Variants in PPM1L observed in about 807,000 individuals in gnomAD.
PPM1L encodes the protein protein phosphatase, Mg2+/Mn2+ dependent 1L.
PPM1L carries 13 observed loss-of-function variants against 31.4 expected under a neutral mutation model. The ratio of observed to expected loss-of-function variants is 0.41; its 90% CI spans 0.27 to 0.66. The LOEUF (loss-of-function observed/expected upper bound fraction) is 0.66, where lower values mean the gene tolerates loss of function less well. Among genes scored for constraint, PPM1L ranks in the 30% least tolerant of loss-of-function variants. The pLI is 0.29. For missense variants in PPM1L, 326 were observed against 453.7 expected (o/e 0.72, Z 2.56); for synonymous variants, 184 against 175.4 (o/e 1.05, Z -0.39).
At chr3:160,803,812 T>C (rs530127455) in intron 1 of PPM1L, among the ~76,000 whole-genome samples, 19 of 152,254 alleles carry the variant, frequency 1.2e-4, no homozygotes, top group Non-Finnish European at 2.4e-4. Context: ...AAAGGTATTT[T>C]TCCTCCTGTG....
chr3:161,073,576 T>A lies in PPM1L; in HGVS notation c.*4419T>A, dbSNP rs1576630213. 1 of 152,182 alleles carries A rather than the reference T, an allele frequency of 6.6e-6. No individual in the cohort carries two copies. Among genetic ancestry groups the A allele is most frequent in the African/African-American group, 2.4e-5 (1 of 41,518 alleles). 9.4% of individuals were successfully genotyped at this position (152,182 alleles called of 1,614,324 possible). A position where few individuals can be genotyped will look rare whatever the true frequency, so the allele number is the denominator to read the frequency against. The stretch of plus-strand genomic sequence containing the variant: ...CTCTAAACATCATCCCCCCCTTTTT[T>A]TTTTTAACGGAATCTCGCTCTGTCA... On this transcript the variant is annotated 3_prime_UTR_variant, in exon 4 of 4. Coordinates refer to ENST00000498165, the MANE Select transcript of PPM1L (RefSeq NM_139245.4).
At chr3:160,964,884 A>G (rs1392208935) in intron 2 of PPM1L, among the ~76,000 whole-genome samples, 1 of 152,078 alleles carries the variant, frequency 6.6e-6, no homozygotes, top group African/African-American at 2.4e-5. Flanking sequence ...CAATCAAAGA[A>G]AGAGGATAAA....
At chr3:160,923,946 T>C (rs1714503425) in intron 1 of PPM1L, among the ~76,000 whole-genome samples, 1 of 152,236 alleles carries the variant, frequency 6.6e-6, no homozygotes, top group Admixed American at 6.5e-5. Flanking sequence ...TTCTGTCTAT[T>C]ATCTGCTATT....
At chr3:161,063,551 TG>T (rs1462561993) in intron 2 of PPM1L, among the ~76,000 whole-genome samples, 3 of 152,150 alleles carry the variant, frequency 2.0e-5, no homozygotes, top group East Asian at 1.9e-4. Flanking sequence ...TCAGTGTTGT[TG>T]TTTTTTTTTC....
chr3:160,817,052 A>G (rs557244753), intron 1 of PPM1L, among the ~76,000 whole-genome samples: 18 of 152,254 alleles, frequency 1.2e-4, no homozygotes, highest in African/African-American at 3.8e-4. Context: ...GTAGAAAAGA[A>G]GAAAAGTTAC....
intron 1 of PPM1L, among the ~76,000 whole-genome samples, chr3:160,946,972 G>T (rs1576734214): frequency 1.3e-5 from 2 of 152,098 alleles, no homozygotes; most frequent in Admixed American, 1.3e-4. Context: ...AATTCTACAT[G>T]CTATAGCAAA....
chr3:160,916,312 C>G (rs1395168274), intron 1 of PPM1L, among the ~76,000 whole-genome samples: 1 of 152,006 alleles, frequency 6.6e-6, no homozygotes, highest in Non-Finnish European at 1.5e-5. Context: ...TGAAAAAATG[C>G]TCATCATCAC....
intron 1 of PPM1L, among the ~76,000 whole-genome samples, chr3:160,851,067 C>T (rs1286224590): frequency 6.6e-6 from 1 of 152,070 alleles, no homozygotes; most frequent in Admixed American, 6.6e-5. Context: ...ATTTTCTTCC[C>T]TCTGTCACAA....
At chr3:160,922,835 A>G (rs1576716331) in intron 1 of PPM1L, among the ~76,000 whole-genome samples, 1 of 152,248 alleles carries the variant, frequency 6.6e-6, no homozygotes, top group Admixed American at 6.5e-5. Context: ...GCAAAAGAAT[A>G]TAATCATAGT....
At chr3:160,762,527 AG>A (rs1203242429) in intron 1 of PPM1L, among the ~76,000 whole-genome samples, 1 of 152,196 alleles carries the variant, frequency 6.6e-6, no homozygotes, top group African/African-American at 2.4e-5. Context: ...CTGTGTCCTC[AG>A]GGAGCATTCT....
intron 2 of PPM1L, among the ~76,000 whole-genome samples, chr3:160,969,445 G>A (rs1322047074): frequency 1.3e-5 from 2 of 152,094 alleles, no homozygotes; most frequent in Non-Finnish European, 2.9e-5. Context: ...CTGTCATGGG[G>A]GAAAAAATTG....
intron 1 of PPM1L, among the ~76,000 whole-genome samples, chr3:160,875,842 A>G (rs1300837404): frequency 6.6e-6 from 1 of 152,184 alleles, no homozygotes; most frequent in Non-Finnish European, 1.5e-5. Flanking sequence ...CAGAATGGCT[A>G]TGAGTGATAC....
In PPM1L at chr3:161,017,594, T is replaced by C. The variant is rs555816562; in HGVS notation, c.575-47809T>C. ...TATGCCTATTGTATTACAATTTTTCTAAGCCCAGAATTGTCGTGGGAGGTT... is the reference window on the plus strand; with the variant it reads ...TATGCCTATTGTATTACAATTTTTCCAAGCCCAGAATTGTCGTGGGAGGTT... On this transcript the variant is annotated intron_variant, in intron 2 of 3. Transcript: ENST00000498165. 3.3e-5 allele frequency among the ~76,000 whole-genome samples: 5 copies of C among 152,304 alleles called. No homozygotes were observed. In the South Asian group the frequency reaches 1.0e-3, roughly 32 times the overall value.
chr3:160,774,973 A>ATT, intron 1 of PPM1L, among the ~76,000 whole-genome samples: 1 of 152,352 alleles, frequency 6.6e-6, no homozygotes, highest in East Asian at 1.9e-4. Context: ...ACAAATGAAA[A>ATT]GGGGATACCA....
intron 1 of PPM1L, among the ~76,000 whole-genome samples, chr3:160,825,229 A>G (rs190621550): frequency 2.0e-4 from 30 of 152,238 alleles, no homozygotes; most frequent in Non-Finnish European, 2.1e-4. Flanking sequence ...ACATTTTGCA[A>G]TTGAAATTTG....
chr3:160,999,915 G>A (rs527943439), intron 2 of PPM1L, among the ~76,000 whole-genome samples: 2 of 152,336 alleles, frequency 1.3e-5, no homozygotes, highest in South Asian at 4.1e-4. Flanking sequence ...AACGCTTAAT[G>A]TGGCGGTTAT....
At chr3:161,053,668 G>T (rs905505799) in intron 2 of PPM1L, among the ~76,000 whole-genome samples, 1 of 152,150 alleles carries the variant, frequency 6.6e-6, no homozygotes, top group Admixed American at 6.6e-5. Context: ...CCTCACTAAA[G>T]AGATATTTTT....
chr3:160,932,788 C>T (rs1470426680), intron 1 of PPM1L, among the ~76,000 whole-genome samples: 1 of 152,114 alleles, frequency 6.6e-6, no homozygotes, highest in Non-Finnish European at 1.5e-5. Flanking sequence ...AAAAACGTGT[C>T]TTTTGAAATA....
rs191300882 is a variant in PPM1L, at chr3:160,937,593, C to T, written c.400-24143C>T. The stretch of plus-strand genomic sequence containing the variant: ...CGAGATCGCGCCACTGCACTCCAGC[C>T]TGGGTGACAGAGCAAGTCTCCGTCT... On this transcript the variant is annotated intron_variant, in intron 1 of 3. Transcript: ENST00000498165. Among the ~76,000 whole-genome samples, 1,016 of 152,072 alleles carry T rather than the reference C, an allele frequency of 6.7e-3. 8 individuals carry two copies. Among genetic ancestry groups the T allele is most frequent in the Non-Finnish European group, 0.011 (750 of 68,006 alleles).
Sources: allele counts gnomAD v4.1 joint callset (sites outside exome capture counted in the v4.1 genomes callset), GRCh38; gene constraint gnomAD v4.1.1; transcripts MANE v1.5; gene names NCBI Gene and HGNC (gene_info 2026-07-23, HGNC 2026-07-21).